PPP2R2C: variants seen among roughly 807,000 people sequenced by gnomAD.
PPP2R2C encodes the protein protein phosphatase 2 regulatory subunit Bgamma.
A neutral mutation model predicts 45.3 loss-of-function variants in PPP2R2C; 10 were observed. That is an observed-to-expected ratio of 0.22 (90% CI 0.14 to 0.37). PPP2R2C has a LOEUF of 0.37. Ranked by LOEUF, PPP2R2C falls within the 10% of genes least tolerant of loss-of-function variation. The pLI is 1.00. For synonymous variants in PPP2R2C, 257 were observed against 245.4 expected (o/e 1.05, Z -0.44); for missense variants, 308 against 619.7 (o/e 0.50, Z 5.34).
At position 6,364,664 on chromosome 4, in the gene PPP2R2C, G is replaced by A. The variant is rs191834059; in HGVS notation, c.625+7859C>T. On this transcript the variant is annotated intron_variant, in intron 5 of 8. Coordinates refer to ENST00000382599, the MANE Select transcript of PPP2R2C (RefSeq NM_020416.4). The surrounding 1 kb of genome is among the most constrained non-coding windows in gnomAD (Gnocchi z 5.3). The stretch of plus-strand genomic sequence containing the variant: ...ATGGTGTCAGCAGGGGCTTTTCCTC[G>A]CTTTACAGGTGAGGAGCTGAGGCAC... 5.6e-4 allele frequency among the ~76,000 whole-genome samples: 86 copies of A among 152,248 alleles called. No homozygotes were observed. Among genetic ancestry groups the A allele is most frequent in the Middle Eastern group, 3.4e-3 (1 of 294 alleles).
intron 6 of PPP2R2C, among the ~76,000 whole-genome samples, chr4:6,340,209 C>T (rs935664293): frequency 2.6e-5 from 4 of 152,148 alleles, no homozygotes; most frequent in Admixed American, 2.6e-4. Flanking sequence ...GGCACGCTCT[C>T]CCCTTAACCC....
intron 1 of PPP2R2C, chr4:6,381,520 A>G: frequency 2.9e-6 from 4 of 1,386,328 alleles, no homozygotes; most frequent in Non-Finnish European, 3.7e-6. Flanking sequence ...CAATATCTCC[A>G]TAGATAAGCG....
chr4:6,500,810 C>G (rs1330246485), intron 2 of PPP2R2C, among the ~76,000 whole-genome samples: 2 of 152,214 alleles, frequency 1.3e-5, no homozygotes, highest in African/African-American at 2.4e-5. Context: ...ACAAATTGCT[C>G]TAATCTGAGG....
intron 1 of PPP2R2C, chr4:6,414,069 CCT>C (rs1718387858): frequency 8.0e-7 from 1 of 1,243,072 alleles, no homozygotes; most frequent in Admixed American, 3.2e-5. Context: ...ATAAGTTTTG[CCT>C]GTGTATGTGT....
At chr4:6,349,613 G>T in intron 5 of PPP2R2C, 3 of 980,750 alleles carry the variant, frequency 3.1e-6, no homozygotes, top group Non-Finnish European at 3.6e-6. Context: ...GGCCGAGGCG[G>T]GCGGATCACG....
At chr4:6,410,845 ATTTATTTATT>A (rs1269709494) in intron 1 of PPP2R2C, among the ~76,000 whole-genome samples, 1 of 8,672 alleles carries the variant, frequency 1.2e-4, no homozygotes, top group African/African-American at 1.8e-4. Context: ...CCCCTGTTTT[ATTTATTTATT>A]TATTTATTTA....
intron 1 of PPP2R2C, among the ~76,000 whole-genome samples, chr4:6,470,273 G>A (rs1223487244): frequency 6.6e-6 from 1 of 152,198 alleles, no homozygotes; most frequent in African/African-American, 2.4e-5. Flanking sequence ...TGCCCGGCAT[G>A]CAGCAGGTGC....
chr4:6,547,598 G>A (rs957292285), intron 1 of PPP2R2C, among the ~76,000 whole-genome samples: 4 of 152,138 alleles, frequency 2.6e-5, no homozygotes, highest in Non-Finnish European at 5.9e-5. Context: ...TGAAAATAGA[G>A]GGGCAGGAGA....
intron 1 of PPP2R2C, among the ~76,000 whole-genome samples, chr4:6,387,669 C>T (rs549144977): frequency 1.5e-4 from 23 of 152,004 alleles, no homozygotes; most frequent in African/African-American, 4.6e-4. Context: ...AAAAATTATC[C>T]GGGCATGGTG....
intron 2 of PPP2R2C, among the ~76,000 whole-genome samples, chr4:6,480,020 T>A (rs934015000): frequency 2.0e-5 from 3 of 152,110 alleles, no homozygotes; most frequent in African/African-American, 7.2e-5. Flanking sequence ...TTTGCTTCGG[T>A]TCTTTTCATT....
At chr4:6,397,940 G>T (rs1241443125) in intron 1 of PPP2R2C, among the ~76,000 whole-genome samples, 1 of 152,190 alleles carries the variant, frequency 6.6e-6, no homozygotes, top group African/African-American at 2.4e-5. Flanking sequence ...CCTGGTAAAA[G>T]GACAGACATG....
intron 1 of PPP2R2C, chr4:6,382,868 C>A: frequency 9.0e-7 from 1 of 1,116,614 alleles, no homozygotes; most frequent in Non-Finnish European, 1.1e-6. Flanking sequence ...ACACCCAGGA[C>A]TGATCCTGGC....
At chr4:6,387,609 G>A (rs1010308951) in intron 1 of PPP2R2C, among the ~76,000 whole-genome samples, 1 of 152,040 alleles carries the variant, frequency 6.6e-6, no homozygotes, top group Non-Finnish European at 1.5e-5. Context: ...TCAGGAGATC[G>A]AGACCAGCCT....
chr4:6,399,998 T>C (rs905244099), intron 1 of PPP2R2C, among the ~76,000 whole-genome samples: 22 of 152,236 alleles, frequency 1.4e-4, no homozygotes, highest in African/African-American at 5.1e-4. Context: ...GCTTTAATGA[T>C]CCTGAGTCAA....
At chr4:6,532,329 A>C (rs1724431785) in intron 2 of PPP2R2C, among the ~76,000 whole-genome samples, 2 of 152,226 alleles carry the variant, frequency 1.3e-5, no homozygotes, top group Admixed American at 1.3e-4. Flanking sequence ...CTGGAGAGGA[A>C]GCCATGTTTC....
At chr4:6,511,438 GTGACGGTGGTGGTGGTGATGA>G (rs1394404062) in intron 2 of PPP2R2C, among the ~76,000 whole-genome samples, 1 of 145,460 alleles carries the variant, frequency 6.9e-6, no homozygotes, top group Admixed American at 6.8e-5. Flanking sequence ...GATGGTGGTG[GTGACGGTGGTGGTGGTGATGA>G]TGACGGTGGT....
intron 1 of PPP2R2C, among the ~76,000 whole-genome samples, chr4:6,547,041 G>A (rs1322738258): frequency 1.3e-5 from 2 of 152,196 alleles, no homozygotes; most frequent in Admixed American, 6.5e-5. Flanking sequence ...GGGGTTGGGG[G>A]AGCATTTGGG....
chr4:6,459,287 T>C (rs767895999), intron 1 of PPP2R2C, among the ~76,000 whole-genome samples: 2 of 152,122 alleles, frequency 1.3e-5, no homozygotes, highest in African/African-American at 4.8e-5. Flanking sequence ...CCTCTCTGCA[T>C]GTGCCTCTCC....
In PPP2R2C at chr4:6,328,015, C is replaced by A. The variant is rs1017442352; in HGVS notation, c.1052+1247G>T. ...ACACACCAACCCTGATGGTCCCAGC[C>A]CTATGCCCAGAGCCACAGAGAGTCA... is the stretch of plus-strand genomic sequence containing the variant. On this transcript the variant is annotated intron_variant, in intron 8 of 8. Transcript: ENST00000382599. This position sits in a 1 kb window ranked among gnomAD's most constrained non-coding sequence, Gnocchi z 4.4. Among the ~76,000 whole-genome samples, 6 of 152,186 alleles carry A rather than the reference C, an allele frequency of 3.9e-5. No homozygotes were observed. Among genetic ancestry groups the A allele is most frequent in the African/African-American group, 1.4e-4 (6 of 41,456 alleles).
Sources: gnomAD v4.1 joint callset for allele counts (sites outside exome capture counted in the v4.1 genomes callset) on GRCh38, gnomAD v4.1.1 for gene constraint, Gnocchi (gnomAD v3.1) non-coding constraint, MANE v1.5 for transcripts, NCBI Gene and HGNC (gene_info 2026-07-23, HGNC 2026-07-21) for gene names.